The following TMEM59 variants were observed in gnomAD, a reference collection of about 807,000 sequenced individuals.
The protein encoded by TMEM59 is dendritic cell factor 1.
Under a neutral mutation model 42.2 loss-of-function variants are expected in TMEM59, and 44 were observed. The ratio of observed to expected loss-of-function variants is 1.04; its 90% CI spans 0.82 to 1.34. TMEM59 has a LOEUF of 1.34. Among genes scored for constraint, TMEM59 ranks in the 40% most tolerant of loss-of-function variants. The probability of loss-of-function intolerance (pLI) is 0.00; values close to 1 mark genes in which losing one functional copy is unlikely to be tolerated. For synonymous variants in TMEM59, 148 were observed against 145.8 expected, an observed-to-expected ratio of 1.02 and a Z score of -0.11; for missense variants, 359 against 382.8, an observed-to-expected ratio of 0.94 and a Z score of 0.52.
intron 7 of TMEM59, chr1:54,034,421 A>T (rs1215901143): frequency 6.6e-6 from 1 of 152,238 alleles, no homozygotes; most frequent in Non-Finnish European, 1.5e-5. Context: ...TCAGGGGAAC[A>T]ACTATCCTGC....
In TMEM59 at chr1:54,030,277, C is replaced by T. The variant is rs561559913; in HGVS notation, c.*1873G>A. On this transcript the variant is annotated 3_prime_UTR_variant, in exon 8 of 8. Coordinates refer to ENST00000234831, the MANE Select transcript of TMEM59 (RefSeq NM_004872.5). ...TTTTCTAACAGTGGGCTCTTTGATT[C>T]CTGTGAGACAGCAGCATTTTGTGTT... The T allele has an allele frequency of 2.0e-5, 3 of 152,160 alleles. No homozygotes were observed. Among genetic ancestry groups the T allele is most frequent in the African/African-American group, 7.2e-5 (3 of 41,518 alleles). The allele number at this position is 152,160 out of a possible 1,614,324, so 9.4% of individuals were successfully genotyped here.
intron 3 of TMEM59, 21 bp downstream of exon 3, chr1:54,045,671 A>G: frequency 6.2e-7 from 1 of 1,612,120 alleles, no homozygotes; most frequent in Non-Finnish European, 8.5e-7. Flanking sequence ...GGCTAGTTTG[A>G]AAGGCAGTAT....
At chr1:54,042,746 TTC>T (rs1657182033) in intron 4 of TMEM59, among the ~76,000 whole-genome samples, 1 of 152,202 alleles carries the variant, frequency 6.6e-6, no homozygotes, top group African/African-American at 2.4e-5. Flanking sequence ...TGAAGCTTAA[TTC>T]TGTTACTTAT....
intron 7 of TMEM59, among the ~76,000 whole-genome samples, chr1:54,032,948 C>G (rs1377762945): frequency 6.9e-6 from 1 of 145,150 alleles, no homozygotes; most frequent in Non-Finnish European, 1.5e-5. Flanking sequence ...TTTAAAGAGA[C>G]GGGGTCTTGT....
intron 5 of TMEM59, 104 bp downstream of exon 5, chr1:54,041,620 T>TA: frequency 2.3e-6 from 2 of 867,358 alleles, no homozygotes; most frequent in Non-Finnish European, 3.6e-6. Context: ...TTTTAGAAAT[T>TA]ATCTGTTTAT....
intron 3 of TMEM59, chr1:54,044,277 A>C (rs1302330033): frequency 7.8e-6 from 1 of 128,614 alleles, no homozygotes; most frequent in African/African-American, 2.9e-5. Flanking sequence ...AGGGAGGCAG[A>C]GGTTGCCGTG....
intron 6 of TMEM59, among the ~76,000 whole-genome samples, chr1:54,038,988 T>A (rs1657047656): frequency 6.6e-6 from 1 of 152,102 alleles, no homozygotes; most frequent in Non-Finnish European, 1.5e-5. Context: ...GGACTACAGG[T>A]GTGTGCCACC....
intron 6 of TMEM59, among the ~76,000 whole-genome samples, chr1:54,039,875 TGGA>T (rs1001012548): frequency 6.6e-6 from 1 of 152,074 alleles, no homozygotes; most frequent in Non-Finnish European, 1.5e-5. Flanking sequence ...CTGAACTCCT[TGGA>T]GAAGAGGAAA....
chr1:54,048,118 T>G (rs1461244922), intron 1 of TMEM59: 2 of 152,280 alleles, frequency 1.3e-5, no homozygotes, highest in Non-Finnish European at 2.9e-5. Context: ...AGTATCAGAC[T>G]AGCTTCACAT....
chr1:54,047,358 G>A lies in TMEM59; in HGVS notation c.204C>T (p.Tyr68=), dbSNP rs200277895. The A allele has an allele frequency of 8.1e-6, 13 of 1,613,324 alleles. No individual in the cohort carries two copies. Among genetic ancestry groups the A allele is most frequent in the African/African-American group, 2.7e-5 (2 of 74,970 alleles). The change falls in exon 2 of 8, where the codon TAC becomes TAT. Residue 68 remains tyrosine, a synonymous_variant. Transcript: ENST00000234831. The part of the protein sequence containing the change: ...LHTYPKEEEL[Y]ACQRGCRLFS... ...ACAGCCTGCAACCTCTCTGACATGC[G>A]TACAACTCCTCTTCCTAGGGAGTTC... is the stretch of plus-strand genomic sequence containing the variant.
In TMEM59 at chr1:54,036,356, C is replaced by G. The variant is rs549226188; in HGVS notation, c.816+254G>C. Among the ~76,000 whole-genome samples the G allele has an allele frequency of 1.2e-4, 18 of 151,996 alleles. No individual in the cohort carries two copies. The South Asian group carries it at 3.7e-3, about 32-fold the overall frequency. On this transcript the variant is annotated intron_variant, in intron 7 of 7. Transcript: ENST00000234831. The stretch of plus-strand genomic sequence containing the variant: ...ACAGGTCTTTTCAGTCTTAGAGAGT[C>G]AGAAAGAGACACCGTTCTCAAGCCA...
In TMEM59 at chr1:54,040,793, C is replaced by T; in HGVS notation, c.670G>A (p.Asp224Asn). 1.2e-6 allele frequency: 2 copies of T among 1,613,846 alleles called. No individual in the cohort carries two copies. The highest frequency in any genetic ancestry group is 1.7e-6 in the Non-Finnish European group (2 of 1,179,856). ...NSQAHRNFLEDGESDGFLRCL... is the reference protein window; with the variant it reads ...NSQAHRNFLENGESDGFLRCL... ...CTTAAAAAGCCATCACTTTCTCCAT[C>T]TTCAAGAAAATTCCTGTGCGCTTGT... Residue 224 changes from aspartate to asparagine, a missense_variant, in exon 6 of 8, where the codon GAT becomes AAT. Coordinates refer to ENST00000234831, the MANE Select transcript of TMEM59 (RefSeq NM_004872.5).
chr1:54,042,239 G>A (rs1386749310), intron 4 of TMEM59, among the ~76,000 whole-genome samples: 1 of 152,032 alleles, frequency 6.6e-6, no homozygotes, highest in Non-Finnish European at 1.5e-5. Context: ...TCTTCCCTAA[G>A]TATGAGGAAT....
chr1:54,042,894 C>CA (rs1487471269), intron 4 of TMEM59, among the ~76,000 whole-genome samples: 1 of 152,122 alleles, frequency 6.6e-6, no homozygotes, highest in Non-Finnish European at 1.5e-5. Context: ...CAGTTATTAT[C>CA]ATGTGGTAAA....
chr1:54,048,545 A>C (rs1370688175), intron 1 of TMEM59: 4 of 272,996 alleles, frequency 1.5e-5, no homozygotes, highest in Non-Finnish European at 3.2e-5. Context: ...CATTACTGTA[A>C]AATATTAACT....
chr1:54,045,549 C>A, intron 3 of TMEM59, 143 bp downstream of exon 3: 1 of 692,340 alleles, frequency 1.4e-6, no homozygotes, highest in South Asian at 2.0e-5. Flanking sequence ...ACTGACTTTT[C>A]TATTTGCAAA....
At chr1:54,041,693 T>C (rs1657142041) in intron 5 of TMEM59, 31 bp downstream of exon 5, 5 of 1,577,822 alleles carry the variant, frequency 3.2e-6, no homozygotes, top group African/African-American at 1.4e-5. Flanking sequence ...CTGCTAATGT[T>C]TTTATCTAAG....
rs1226173426 is a variant in TMEM59 at position 54,031,720 on chromosome 1, T to C, written c.*430A>G. On this transcript the variant is annotated 3_prime_UTR_variant, in exon 8 of 8. Coordinates refer to ENST00000234831, the MANE Select transcript of TMEM59 (RefSeq NM_004872.5). ...ATGATTTCAGTTCCTGAAAATGTAG[T>C]GTCATTAAAGGTCATTTCCTGCTAA... 1 of 153,244 alleles carries C rather than the reference T, an allele frequency of 6.5e-6. No individual in the cohort carries two copies. The highest frequency in any genetic ancestry group is 1.5e-5 in the Non-Finnish European group (1 of 68,468). 9.5% of individuals were successfully genotyped at this position (153,244 alleles called of 1,614,324 possible).
chr1:54,046,954 T>C (rs1255379860), intron 2 of TMEM59, among the ~76,000 whole-genome samples: 1 of 152,238 alleles, frequency 6.6e-6, no homozygotes, highest in Non-Finnish European at 1.5e-5. Context: ...AGGAAAATTA[T>C]ACTATCTGTG....
Sources: gnomAD v4.1 joint callset for allele counts (sites outside exome capture counted in the v4.1 genomes callset) on GRCh38, gnomAD v4.1.1 for gene constraint, MANE v1.5 for transcripts, NCBI Gene and HGNC (gene_info 2026-07-23, HGNC 2026-07-21) for gene names.